The following OR56A3 variants were observed in gnomAD, a reference collection of about 807,000 sequenced individuals.
OR56A3 encodes the protein olfactory receptor family 56 subfamily A member 3.
A neutral mutation model predicts 17.5 loss-of-function variants in OR56A3; 23 were observed. That is an observed-to-expected ratio of 1.32 (90% CI 0.95 to 1.87). The LOEUF (loss-of-function observed/expected upper bound fraction) is 1.87. OR56A3 is among the 40% of genes most tolerant of loss of function. The pLI, the probability that OR56A3 is intolerant of heterozygous loss-of-function variation, is 0.00. For synonymous variants in OR56A3, 175 were observed against 150.6 expected, an observed-to-expected ratio of 1.16 and a Z score of -1.19; for missense variants, 366 against 380.1, an observed-to-expected ratio of 0.96 and a Z score of 0.31.
In OR56A3 at chr11:5,948,105, C is replaced by A. The variant is rs756454626; in HGVS notation, c.759C>A (p.Leu253=). ...STCGSHFMLI[L]FFSTILLVFV... ...GTGGCTCCCACTTCATGCTCATCCT[C>A]TTCTTCAGCACCATCCTTCTGGTTT... Residue 253 remains leucine (L), a synonymous_variant, in exon 3 of 3, where the codon CTC becomes CTA. Coordinates refer to ENST00000641160, the MANE Select transcript of OR56A3 (RefSeq NM_001003443.3). The A allele has an allele frequency of 1.9e-5, 31 of 1,614,148 alleles. No homozygotes were observed. Among genetic ancestry groups the A allele is most frequent in the Non-Finnish European group, 2.5e-5 (30 of 1,180,060 alleles).
the OR56A3 span, among the ~76,000 whole-genome samples, chr11:6,018,721 A>T: frequency 1.3e-5 from 2 of 149,426 alleles, no homozygotes; most frequent in Non-Finnish European, 3.0e-5. Context: ...AGCCTCAAAA[A>T]GACAAAAAAT....
the OR56A3 span, among the ~76,000 whole-genome samples, chr11:5,962,874 C>A: frequency 6.6e-6 from 1 of 152,140 alleles, no homozygotes; most frequent in African/African-American, 2.4e-5. Context: ...ATCTTTATTT[C>A]ATTACTCATT....
At chr11:5,995,044 G>A in the OR56A3 span, 1 of 634,232 alleles carries the variant, frequency 1.6e-6, no homozygotes, top group Non-Finnish European at 2.9e-6. Flanking sequence ...TGAGGCCCCG[G>A]CGCCTGCATA....
the OR56A3 span, chr11:6,002,502 A>T: frequency 6.2e-7 from 1 of 1,614,252 alleles, no homozygotes; most frequent in Admixed American, 1.7e-5. Flanking sequence ...GGCAGAAAGC[A>T]TGGGAACAGG....
At chr11:5,995,972 G>A in the OR56A3 span, among the ~76,000 whole-genome samples, 1 of 152,116 alleles carries the variant, frequency 6.6e-6, no homozygotes, top group African/African-American at 2.4e-5. Flanking sequence ...CTTCATTTGA[G>A]TGAGATCATG....
chr11:5,998,384 CTG>C, the OR56A3 span, among the ~76,000 whole-genome samples: 47 of 152,226 alleles, frequency 3.1e-4, no homozygotes, highest in Admixed American at 8.5e-4. Flanking sequence ...TATGTATTGT[CTG>C]TGTGCCTGAA....
chr11:5,955,497 T>C (rs770489123), downstream of OR56A3, among the ~76,000 whole-genome samples: 3 of 152,184 alleles, frequency 2.0e-5, no homozygotes, highest in Admixed American at 6.6e-5. Flanking sequence ...CAGGAGTGAA[T>C]GTTTATTAAA....
chr11:5,959,172 T>G, the OR56A3 span, among the ~76,000 whole-genome samples: 1 of 152,174 alleles, frequency 6.6e-6, no homozygotes, highest in South Asian at 2.1e-4. Context: ...CATATGGCAG[T>G]TCTATTTAAT....
chr11:5,998,550 G>A, the OR56A3 span, among the ~76,000 whole-genome samples: 130 of 152,288 alleles, frequency 8.5e-4, no homozygotes, highest in African/African-American at 3.1e-3. Flanking sequence ...CAGAAGCAGC[G>A]AGTAATAACC....
the OR56A3 span, among the ~76,000 whole-genome samples, chr11:5,998,038 G>A: frequency 6.6e-6 from 1 of 152,168 alleles, no homozygotes; most frequent in African/African-American, 2.4e-5. Context: ...CAATAGGAGT[G>A]AGGAAACTGG....
Position 5,948,740 on chromosome 11 carries a change from T to C in OR56A3, c.*446T>C, listed in dbSNP as rs1387591799. 6.1e-6 allele frequency: 1 copy of C among 163,902 alleles called. No homozygotes were observed. The highest frequency in any genetic ancestry group is 1.3e-5 in the Non-Finnish European group (1 of 74,588). 10.2% of individuals were successfully genotyped at this position (163,902 alleles called of 1,614,324 possible). A position where few individuals can be genotyped will look rare whatever the true frequency, so the allele number is the denominator to read the frequency against. On this transcript the variant is annotated 3_prime_UTR_variant, in exon 3 of 3. Coordinates refer to ENST00000641160, the MANE Select transcript of OR56A3 (RefSeq NM_001003443.3). The stretch of plus-strand genomic sequence containing the variant: ...CAGTAGTTGAAATTTCAGTCCTCAG[T>C]GGTGGAAAGTTGCTACTGGTCTGTA...
the OR56A3 span, chr11:6,020,330 T>C: frequency 6.6e-6 from 1 of 152,154 alleles, no homozygotes; most frequent in South Asian, 2.1e-4. Flanking sequence ...AATAGTTTTT[T>C]CTAGTTCTGT....
At chr11:5,984,911 T>C in the OR56A3 span, among the ~76,000 whole-genome samples, 1 of 152,216 alleles carries the variant, frequency 6.6e-6, no homozygotes, top group Non-Finnish European at 1.5e-5. Context: ...TGTTACCTTC[T>C]AGGAACAAAA....
the OR56A3 span, among the ~76,000 whole-genome samples, chr11:5,993,548 G>A: frequency 2.0e-5 from 3 of 152,064 alleles, no homozygotes; most frequent in Admixed American, 6.5e-5. Flanking sequence ...TCAAAGGTGA[G>A]AATTAAATGT....
chr11:5,994,254 A>G, the OR56A3 span: 2 of 572,488 alleles, frequency 3.5e-6, no homozygotes, highest in South Asian at 3.2e-5. Flanking sequence ...CTATCTCCAA[A>G]GACTGGACTG....
the OR56A3 span, among the ~76,000 whole-genome samples, chr11:5,982,100 T>G: frequency 6.6e-6 from 1 of 152,112 alleles, no homozygotes; most frequent in South Asian, 2.1e-4. Context: ...CAAAAGTGCT[T>G]CATCAGGGAA....
chr11:5,953,834 T>C (rs546570616), downstream of OR56A3, among the ~76,000 whole-genome samples: 136 of 152,322 alleles, frequency 8.9e-4, 3 homozygotes, highest in South Asian at 0.023. Context: ...TACCTTTATA[T>C]CAAGATTTCA....
At chr11:5,985,929 A>C in the OR56A3 span, 7 of 1,591,178 alleles carry the variant, frequency 4.4e-6, no homozygotes, top group Non-Finnish European at 6.0e-6. Context: ...AAACAATGAG[A>C]ATATGTTCAG....
At chr11:5,976,708 T>C in the OR56A3 span, among the ~76,000 whole-genome samples, 27 of 152,330 alleles carry the variant, frequency 1.8e-4, no homozygotes, top group African/African-American at 6.5e-4. Flanking sequence ...GACTCTTCGC[T>C]TGTCTTTTTT....
Sources: gnomAD v4.1 joint callset for allele counts (sites outside exome capture counted in the v4.1 genomes callset) on GRCh38, gnomAD v4.1.1 for gene constraint, MANE v1.5 for transcripts, NCBI Gene and HGNC (gene_info 2026-07-23, HGNC 2026-07-21) for gene names.